PPP2R2B: variants seen among roughly 807,000 people sequenced by gnomAD.
PPP2R2B encodes the protein protein phosphatase 2 regulatory subunit Bbeta.
A neutral mutation model predicts 46.0 loss-of-function variants in PPP2R2B; 5 were observed. That is an observed-to-expected ratio of 0.11 (90% CI 0.06 to 0.23). PPP2R2B has a LOEUF of 0.23. Ranked by LOEUF, PPP2R2B falls within the 10% of genes least tolerant of loss-of-function variation. The pLI, the probability that PPP2R2B is intolerant of heterozygous loss-of-function variation, is 1.00. For missense variants in PPP2R2B, 367 were observed against 575.0 expected (o/e 0.64, Z 3.70); for synonymous variants, 215 against 206.7 (o/e 1.04, Z -0.34).
At position 146,782,934 on chromosome 5, in the gene PPP2R2B, C is replaced by A. The variant is rs537675954; in HGVS notation, c.71-81792G>T. On this transcript the variant is annotated intron_variant, in intron 2 of 9. Transcript: ENST00000394411. ...GGGAATGTGGCTAGAAATGTGGATA[C>A]AAAAGTGTCATAGAATCGATATGGA... Among the ~76,000 whole-genome samples the A allele has an allele frequency of 1.2e-3, 175 of 152,010 alleles. 4 individuals carry two copies. In the South Asian group the frequency reaches 0.02, roughly 18 times the overall value.
chr5:146,668,443 C>T (rs1383247684), intron 5 of PPP2R2B, among the ~76,000 whole-genome samples: 4 of 152,164 alleles, frequency 2.6e-5, no homozygotes, highest in Non-Finnish European at 5.9e-5. Context: ...CACTTCCCTG[C>T]CAATCTTAGA....
chr5:146,802,979 G>C (rs944181531), intron 2 of PPP2R2B, among the ~76,000 whole-genome samples: 1 of 152,092 alleles, frequency 6.6e-6, no homozygotes, highest in Non-Finnish European at 1.5e-5. Flanking sequence ...TGTTCAAGGA[G>C]CTGGAACCAG....
chr5:146,971,116 G>A (rs549457435), intron 1 of PPP2R2B, among the ~76,000 whole-genome samples: 2 of 152,056 alleles, frequency 1.3e-5, no homozygotes, highest in Non-Finnish European at 2.9e-5. Flanking sequence ...ATAACTTTTT[G>A]CTCCTAGTTG....
intron 2 of PPP2R2B, among the ~76,000 whole-genome samples, chr5:146,777,170 A>C (rs1252913613): frequency 1.3e-5 from 2 of 152,146 alleles, no homozygotes; most frequent in Middle Eastern, 3.2e-3. Flanking sequence ...AGATACTTAT[A>C]TACCAATGTT....
At chr5:146,653,084 A>G (rs1190168181) in intron 5 of PPP2R2B, among the ~76,000 whole-genome samples, 1 of 152,164 alleles carries the variant, frequency 6.6e-6, no homozygotes, top group Non-Finnish European at 1.5e-5. Context: ...AATTCTTTCA[A>G]AAGCTCTGTG....
Position 146,878,276 on chromosome 5 carries a change from C to T in PPP2R2B, c.-124-81G>A. ...TGTCACCTCCTCCACTCGGGTTCTG[C>T]GAGGCTGCGGCGGCTCCTCCCGCGC... On this transcript the variant is annotated intron_variant, in intron 1 of 9. Coordinates refer to ENST00000394411, the MANE Select transcript of PPP2R2B (RefSeq NM_181675.4). The surrounding 1 kb of genome is among the most constrained non-coding windows in gnomAD (Gnocchi z 4.5). 1.4e-6 allele frequency: 2 copies of T among 1,467,188 alleles called. No individual in the cohort carries two copies. Among genetic ancestry groups the T allele is most frequent in the South Asian group, 2.8e-5 (2 of 71,254 alleles). 90.9% of individuals were successfully genotyped at this position (1,467,188 alleles called of 1,614,324 possible). A position where few individuals can be genotyped will look rare whatever the true frequency, so the allele number is the denominator to read the frequency against.
intron 2 of PPP2R2B, among the ~76,000 whole-genome samples, chr5:146,702,778 A>C (rs749446815): frequency 3.9e-5 from 6 of 152,250 alleles, no homozygotes; most frequent in Non-Finnish European, 7.3e-5. Context: ...CAGAGTCTTC[A>C]TTTGGAATAG....
rs748741580 is a variant in PPP2R2B, at chr5:146,638,225, C to G, written c.790+26G>C. The stretch of plus-strand genomic sequence containing the variant: ...CACATTGGGGCCAGTGGCCATGCCC[C>G]CCACCTCCCTTCAGTTGCTACTCAC... On this transcript the variant is annotated intron_variant, in intron 7 of 9. Transcript: ENST00000394411. The G allele has an allele frequency of 6.9e-6, 11 of 1,605,806 alleles. No homozygotes were observed. In the African/African-American group the frequency reaches 1.3e-4, roughly 20 times the overall value.
At chr5:146,911,485 G>T (rs1461084727) in intron 1 of PPP2R2B, among the ~76,000 whole-genome samples, 2 of 152,170 alleles carry the variant, frequency 1.3e-5, no homozygotes, top group Non-Finnish European at 2.9e-5. Flanking sequence ...AGTTCCAAGA[G>T]AGCAGAGACC....
At chr5:146,634,645 T>A (rs1340125507) in intron 7 of PPP2R2B, among the ~76,000 whole-genome samples, 5 of 152,064 alleles carry the variant, frequency 3.3e-5, no homozygotes, top group African/African-American at 1.2e-4. Context: ...TCTGATGGCT[T>A]TTAGATTAGA....
intron 1 of PPP2R2B, among the ~76,000 whole-genome samples, chr5:146,906,265 T>C (rs187091503): frequency 5.7e-4 from 87 of 152,092 alleles, no homozygotes; most frequent in African/African-American, 2.0e-3. Context: ...AAAGAAAATA[T>C]ATTATTAAAA....
In PPP2R2B at chr5:147,009,211, T is replaced by C. The variant is rs184226954; in HGVS notation, c.79+46454A>G. ...AGCAGTGAATTCTGTTCTGTTTTCC[T>C]CTTTACCCTGGCTTGGAAAAAGCTT... On this transcript the variant is annotated intron_variant, in intron 1 of 8. Coordinates refer to the PPP2R2B transcript ENST00000336640. Among the ~76,000 whole-genome samples the C allele has an allele frequency of 1.4e-3, 210 of 152,308 alleles. 1 individual carries two copies. The highest frequency in any genetic ancestry group is 4.7e-3 in the African/African-American group (195 of 41,568).
chr5:146,983,244 A>C (rs934668807), intron 1 of PPP2R2B, among the ~76,000 whole-genome samples: 1 of 129,098 alleles, frequency 7.7e-6, no homozygotes, highest in Non-Finnish European at 1.6e-5. Flanking sequence ...GCAGTGGCAC[A>C]ATCTCGGCTC....
At chr5:146,642,186 G>A (rs1775267157) in intron 6 of PPP2R2B, among the ~76,000 whole-genome samples, 1 of 152,220 alleles carries the variant, frequency 6.6e-6, no homozygotes. Context: ...GAAGGCAGAA[G>A]AGGGGAAGGT....
chr5:146,800,199 G>T (rs931800300), intron 2 of PPP2R2B, among the ~76,000 whole-genome samples: 1 of 149,362 alleles, frequency 6.7e-6, no homozygotes, highest in African/African-American at 2.6e-5. Context: ...CCAAATAAAA[G>T]ATAAATATAA....
At chr5:146,873,438 A>G (rs1279033647) in intron 2 of PPP2R2B, among the ~76,000 whole-genome samples, 3 of 152,180 alleles carry the variant, frequency 2.0e-5, no homozygotes, top group African/African-American at 4.8e-5. Context: ...ATGGCTTTCC[A>G]TTCATCTTTG....
At chr5:147,032,067 C>A (rs1755810874) in intron 1 of PPP2R2B, among the ~76,000 whole-genome samples, 1 of 152,046 alleles carries the variant, frequency 6.6e-6, no homozygotes, top group Non-Finnish European at 1.5e-5. Context: ...AACTAAAGAG[C>A]TTTTTGTACA....
At position 146,983,416 on chromosome 5, in the gene PPP2R2B, G is replaced by A. The variant is rs569013104; in HGVS notation, c.79+72249C>T. Among the ~76,000 whole-genome samples, 90 of 152,120 alleles carry A rather than the reference G, an allele frequency of 5.9e-4. No homozygotes were observed. In the East Asian group the frequency reaches 0.015, roughly 25 times the overall value. On this transcript the variant is annotated intron_variant, in intron 1 of 8. Coordinates refer to the PPP2R2B transcript ENST00000336640. ...AGGATGGTCTTGATCTCCTGACCTC[G>A]TGATCTGCCCGCCTTGGCCTCCCAA...
chr5:146,663,236 T>A (rs1776776570), intron 5 of PPP2R2B, among the ~76,000 whole-genome samples: 1 of 152,176 alleles, frequency 6.6e-6, no homozygotes, highest in Non-Finnish European at 1.5e-5. Context: ...TCAGTATTTC[T>A]AGCCAAGGGA....
Sources: allele counts gnomAD v4.1 joint callset (sites outside exome capture counted in the v4.1 genomes callset), GRCh38; gene constraint gnomAD v4.1.1; non-coding constraint Gnocchi (gnomAD v3.1); transcripts MANE v1.5; gene names NCBI Gene and HGNC (gene_info 2026-07-23, HGNC 2026-07-21).